Variants in NEK4 observed in about 807,000 individuals in gnomAD.
The protein encoded by NEK4 is NIMA related kinase 4.
Under a neutral mutation model 98.4 loss-of-function variants are expected in NEK4, and 86 were observed. The ratio of observed to expected loss-of-function variants is 0.87; its 90% CI spans 0.73 to 1.05. NEK4 has a LOEUF of 1.05. Ranked by LOEUF, NEK4 falls within the 50% of genes least tolerant of loss-of-function variation. The probability of loss-of-function intolerance (pLI) is 0.00; values close to 1 mark genes in which losing one functional copy is unlikely to be tolerated. For missense variants in NEK4, 898 were observed against 950.3 expected (o/e 0.94, Z 0.72); for synonymous variants, 328 against 342.2 (o/e 0.96, Z 0.46).
chr3:52,767,275 C>G (rs2154107158), intron 2 of NEK4, among the ~76,000 whole-genome samples: 1 of 151,754 alleles, frequency 6.6e-6, no homozygotes, highest in South Asian at 2.1e-4. Flanking sequence ...GACAGTGACA[C>G]TCTGTCTTAA....
intron 5 of NEK4, among the ~76,000 whole-genome samples, chr3:52,762,249 AT>A (rs1320232968): frequency 6.6e-6 from 1 of 152,228 alleles, no homozygotes; most frequent in African/African-American, 2.4e-5. Context: ...AGGGAACTTT[AT>A]GCAAGCTCTC....
chr3:52,714,227 C>CA (rs1156401930), intron 15 of NEK4, among the ~76,000 whole-genome samples: 4 of 151,906 alleles, frequency 2.6e-5, no homozygotes, highest in Non-Finnish European at 5.9e-5. Flanking sequence ...CAGAGCAACT[C>CA]AAAAAAACAA....
chr3:52,754,724 T>A (rs911174508), intron 6 of NEK4: 2 of 493,424 alleles, frequency 4.1e-6, no homozygotes, highest in African/African-American at 2.0e-5. Context: ...ACCATGCACT[T>A]TCCTGCTGGA....
intron 8 of NEK4, 127 bp from the exon 9 acceptor site, chr3:52,747,031 G>T: frequency 1.5e-6 from 1 of 681,188 alleles, no homozygotes; most frequent in Non-Finnish European, 2.5e-6. Flanking sequence ...TTTAAAAACT[G>T]GTTTCCATAT....
At position 52,743,445 on chromosome 3, in the gene NEK4, T is replaced by C. The variant is rs528461698; in HGVS notation, c.1911A>G (p.Lys637=). ...EMSSSGPSVR[K]ASLSVAGPGK... is the part of the protein sequence containing the mutation. Reference sequence around the variant, plus strand: ...CTGGCCCTGCTACACTCAGAGACGCTTTCCTCACTGAAGGGCCTGAAAAGG... The same window carrying C: ...CTGGCCCTGCTACACTCAGAGACGCCTTCCTCACTGAAGGGCCTGAAAAGG... Residue 637 remains lysine (K), a synonymous_variant, in exon 12 of 16, where the codon AAA becomes AAG. Coordinates refer to ENST00000233027, the MANE Select transcript of NEK4 (RefSeq NM_003157.6). The C allele has an allele frequency of 1.2e-6, 2 of 1,614,072 alleles. No homozygotes were observed. The highest frequency in any genetic ancestry group is 1.7e-6 in the Non-Finnish European group (2 of 1,179,962).
intron 6 of NEK4, chr3:52,753,388 A>G (rs972061066): frequency 8.6e-6 from 3 of 350,156 alleles, no homozygotes; most frequent in African/African-American, 4.3e-5. Context: ...GCTGGGCCAC[A>G]AAGGTGATAG....
intron 6 of NEK4, among the ~76,000 whole-genome samples, chr3:52,752,933 T>TATACACACACACACACACACACACAC (rs148965312): frequency 1.3e-5 from 1 of 75,568 alleles, no homozygotes; most frequent in Non-Finnish European, 2.6e-5. Context: ...TATATATATA[T>TATACACACACACACACACACACACAC]ACACACACAC....
rs146970614 is a variant in NEK4, at chr3:52,742,045, C to T, written c.2005-546G>A. 1.2e-3 allele frequency among the ~76,000 whole-genome samples: 189 copies of T among 152,064 alleles called. 2 individuals carry two copies. In the East Asian group the frequency reaches 0.019, roughly 16 times the overall value. ...CGCCTGCCTCAGCCTCCCAAAGTGCCGGGATTACAGGCATGAGCTACCGCG... is the reference window on the plus strand; with the variant it reads ...CGCCTGCCTCAGCCTCCCAAAGTGCTGGGATTACAGGCATGAGCTACCGCG... On this transcript the variant is annotated intron_variant, in intron 12 of 15. Coordinates refer to ENST00000233027, the MANE Select transcript of NEK4 (RefSeq NM_003157.6).
chr3:52,711,688 G>A lies in NEK4; in HGVS notation c.*89C>T. On this transcript the variant is annotated 3_prime_UTR_variant, in exon 16 of 16. Coordinates refer to ENST00000233027, the MANE Select transcript of NEK4 (RefSeq NM_003157.6). ...AAAGAGATATAAAACAGTGGTGAGTGGCTTCCAAATGACTGTTTGCCCTTG... is the reference window on the plus strand; with the variant it reads ...AAAGAGATATAAAACAGTGGTGAGTAGCTTCCAAATGACTGTTTGCCCTTG... The A allele has an allele frequency of 1.3e-6, 1 of 761,606 alleles. No homozygotes were observed. Among genetic ancestry groups the A allele is most frequent in the Non-Finnish European group, 2.3e-6 (1 of 430,262 alleles). 47.2% of individuals were successfully genotyped at this position (761,606 alleles called of 1,614,324 possible). A position where few individuals can be genotyped will look rare whatever the true frequency, so the allele number is the denominator to read the frequency against.
At chr3:52,714,867 G>C (rs1247138921) in intron 15 of NEK4, among the ~76,000 whole-genome samples, 1 of 152,216 alleles carries the variant, frequency 6.6e-6, no homozygotes, top group Non-Finnish European at 1.5e-5. Context: ...CCAGGTGTGC[G>C]CATGTTTGGG....
Position 52,761,008 on chromosome 3 carries a change from G to A in NEK4, c.822-72C>T, listed in dbSNP as rs1422303529. On this transcript the variant is annotated intron_variant, in intron 5 of 15. Coordinates refer to ENST00000233027, the MANE Select transcript of NEK4 (RefSeq NM_003157.6). ...TAAGGGTTTTTAGGTATATGTGGGAGTGTGTGTATACAATGAATTCCCTTA... is the reference window on the plus strand; with the variant it reads ...TAAGGGTTTTTAGGTATATGTGGGAATGTGTGTATACAATGAATTCCCTTA... The A allele has an allele frequency of 6.3e-6, 6 of 957,928 alleles. No individual in the cohort carries two copies. In the African/African-American group the frequency reaches 9.9e-5, roughly 16 times the overall value. The allele number at this position is 957,928 out of a possible 1,614,324, so 59.3% of individuals were successfully genotyped here. A position where few individuals can be genotyped will look rare whatever the true frequency, so the allele number is the denominator to read the frequency against.
intron 6 of NEK4, chr3:52,754,701 G>A: frequency 3.6e-6 from 2 of 549,966 alleles, no homozygotes; most frequent in Non-Finnish European, 3.6e-6. Flanking sequence ...TTAAGAGATG[G>A]TGAATCTGGT....
At position 52,767,686 on chromosome 3, in the gene NEK4, C is replaced by G. The variant is rs1316081800; in HGVS notation, c.360+652G>C. 2.0e-5 allele frequency among the ~76,000 whole-genome samples: 3 copies of G among 150,734 alleles called. No individual in the cohort carries two copies. The East Asian group carries it at 5.9e-4, about 29-fold the overall frequency. On this transcript the variant is annotated intron_variant, in intron 2 of 15. Transcript: ENST00000233027. ...TGAGCCGAGATCGTGCCATTGCACTCCAGCCTAGATAACAAAAACAAAACT... is the reference window on the plus strand; with the variant it reads ...TGAGCCGAGATCGTGCCATTGCACTGCAGCCTAGATAACAAAAACAAAACT...
intron 4 of NEK4, among the ~76,000 whole-genome samples, chr3:52,764,778 GCACACA>G (rs56827006): frequency 1.7e-3 from 241 of 145,116 alleles, no homozygotes; most frequent in Middle Eastern, 6.9e-3. Context: ...ACACACACAT[GCACACA>G]CACACACACA....
intron 15 of NEK4, among the ~76,000 whole-genome samples, chr3:52,721,324 C>G (rs1476315336): frequency 6.6e-6 from 1 of 152,216 alleles, no homozygotes; most frequent in African/African-American, 2.4e-5. Flanking sequence ...AACCTCCCTC[C>G]CTCTAGCTGA....
chr3:52,726,513 GCT>G (rs2097364715), intron 15 of NEK4, among the ~76,000 whole-genome samples: 1 of 151,002 alleles, frequency 6.6e-6, no homozygotes, highest in Non-Finnish European at 1.5e-5. Flanking sequence ...GCAGGAGAAT[GCT>G]GTGAATCCGG....
chr3:52,757,296 G>A (rs111415060), intron 6 of NEK4, among the ~76,000 whole-genome samples: 6,015 of 152,244 alleles, frequency 0.04, 402 homozygotes, highest in African/African-American at 0.13. Context: ...AGAGGCTCAC[G>A]CCTGTAATTC....
chr3:52,747,784 TAA>T (rs71087012), intron 8 of NEK4, among the ~76,000 whole-genome samples: 32 of 137,792 alleles, frequency 2.3e-4, no homozygotes, highest in Admixed American at 2.9e-4. Context: ...CATCTCCATT[TAA>T]AAAAAAAAAA....
chr3:52,738,315 T>C (rs2097379772), intron 14 of NEK4, among the ~76,000 whole-genome samples: 1 of 151,880 alleles, frequency 6.6e-6, no homozygotes, highest in African/African-American at 2.4e-5. Context: ...GTTGTCCCGG[T>C]TGGTCTTGAA....
Sources: gnomAD v4.1 joint callset for allele counts (sites outside exome capture counted in the v4.1 genomes callset) on GRCh38, gnomAD v4.1.1 for gene constraint, MANE v1.5 for transcripts, NCBI Gene and HGNC (gene_info 2026-07-23, HGNC 2026-07-21) for gene names.